The following GLB1 variants were observed in gnomAD, a reference collection of about 807,000 sequenced individuals.
GLB1 encodes beta-galactosidase.
A neutral mutation model predicts 74.0 loss-of-function variants in GLB1; 56 were observed. The observed-to-expected ratio is 0.76, with a 90% CI of 0.61 to 0.94. The LOEUF is 0.94. Ranked by LOEUF, GLB1 falls within the 40% of genes least tolerant of loss-of-function variation. The probability of loss-of-function intolerance (pLI) is 0.00; values close to 1 mark genes in which losing one functional copy is unlikely to be tolerated. For synonymous variants in GLB1, 323 were observed against 323.6 expected (o/e 1.00, Z 0.02); for missense variants, 787 against 845.5 (o/e 0.93, Z 0.86).
chr3:32,993,755 C>T (rs56213831), downstream of GLB1, among the ~76,000 whole-genome samples: 7,062 of 151,808 alleles, frequency 0.047, 202 homozygotes, highest in Admixed American at 0.063. Context: ...AGGCTGGTCT[C>T]GAACTCCTGA....
intron 1 of GLB1, among the ~76,000 whole-genome samples, chr3:33,084,711 T>C (rs1004260251): frequency 6.6e-6 from 1 of 152,044 alleles, no homozygotes; most frequent in African/African-American, 2.4e-5. Context: ...ATGTGCAGTT[T>C]AAAAAAATAA....
At chr3:33,007,786 C>G (rs1696847181) in intron 15 of GLB1, among the ~76,000 whole-genome samples, 1 of 152,198 alleles carries the variant, frequency 6.6e-6, no homozygotes, top group South Asian at 2.1e-4. Context: ...CCTGGAGATG[C>G]AGAGCATTCA....
chr3:33,034,614 T>C, intron 10 of GLB1: 1 of 722,920 alleles, frequency 1.4e-6, no homozygotes, highest in Non-Finnish European at 2.6e-6. Flanking sequence ...CCCAAATTGC[T>C]GCACAAGTTC....
intron 1 of GLB1, chr3:33,092,255 T>C: frequency 1.0e-6 from 1 of 985,786 alleles, no homozygotes; most frequent in Non-Finnish European, 1.2e-6. Context: ...CAGTAGATTT[T>C]GCTGATGCCC....
chr3:33,086,255 G>A (rs551500595), intron 1 of GLB1, among the ~76,000 whole-genome samples: 32 of 152,052 alleles, frequency 2.1e-4, no homozygotes, highest in African/African-American at 6.7e-4. Context: ...GGTCATTCTT[G>A]GAGGTTGCTG....
chr3:33,028,003 T>C (rs1697841300), intron 10 of GLB1, among the ~76,000 whole-genome samples: 1 of 152,072 alleles, frequency 6.6e-6, no homozygotes, highest in Admixed American at 6.6e-5. Flanking sequence ...TGAGTTCCAG[T>C]GATCCTCCTG....
chr3:32,992,099 T>C (rs1243209405), downstream of GLB1, among the ~76,000 whole-genome samples: 2 of 152,240 alleles, frequency 1.3e-5, no homozygotes, highest in East Asian at 1.9e-4. Context: ...AAGTCCACAC[T>C]AGGGCCTTTA....
At chr3:32,963,168 AC>A in the GLB1 span, among the ~76,000 whole-genome samples, 21 of 152,216 alleles carry the variant, frequency 1.4e-4, no homozygotes, top group African/African-American at 4.8e-4. Flanking sequence ...AAAGATGGCA[AC>A]TTAAATCAAA....
At chr3:33,086,727 T>C (rs1700515156) in intron 1 of GLB1, among the ~76,000 whole-genome samples, 1 of 152,070 alleles carries the variant, frequency 6.6e-6, no homozygotes, top group Non-Finnish European at 1.5e-5. Context: ...ATCTAAAATG[T>C]ATAAAATTTT....
intron 15 of GLB1, among the ~76,000 whole-genome samples, chr3:33,001,743 G>A (rs959037382): frequency 8.5e-5 from 13 of 152,162 alleles, no homozygotes; most frequent in Non-Finnish European, 1.6e-4. Flanking sequence ...GCTACTTGTT[G>A]ATAATTCTGC....
In GLB1 at chr3:33,068,305, A is replaced by G; in HGVS notation, c.397-15T>C. 1.9e-6 allele frequency: 3 copies of G among 1,613,994 alleles called. No individual in the cohort carries two copies. The highest frequency in any genetic ancestry group is 1.3e-5 in the African/African-American group (1 of 75,046). ...GGTAATCCTCCCTAGTTCAGGGAAA[A>G]CAAGCCATTATAATGTCTGTTCCGT... On this transcript the variant is annotated splice_polypyrimidine_tract_variant and intron_variant, in intron 3 of 15. Transcript: ENST00000307363.
At chr3:33,022,019 A>C (rs1697509046) in intron 11 of GLB1, among the ~76,000 whole-genome samples, 1 of 152,180 alleles carries the variant, frequency 6.6e-6, no homozygotes, top group Non-Finnish European at 1.5e-5. Flanking sequence ...TAAGAAGTAA[A>C]AGTAGTAACC....
chr3:33,048,857 T>A (rs1698853506), intron 9 of GLB1, among the ~76,000 whole-genome samples: 1 of 152,168 alleles, frequency 6.6e-6, no homozygotes, highest in Admixed American at 6.5e-5. Context: ...GACTTTTTTT[T>A]GTATTCAGCT....
intron 7 of GLB1, among the ~76,000 whole-genome samples, chr3:33,052,233 C>T (rs943448747): frequency 1.3e-5 from 2 of 152,128 alleles, no homozygotes; most frequent in African/African-American, 4.8e-5. Context: ...GCAAGTATTC[C>T]TGAAAAGTGG....
intron 15 of GLB1, among the ~76,000 whole-genome samples, chr3:33,007,501 A>C (rs955472915): frequency 6.6e-6 from 1 of 152,208 alleles, no homozygotes; most frequent in Non-Finnish European, 1.5e-5. Context: ...TCATTAGCCT[A>C]ATGTTTTCAA....
intron 9 of GLB1, 92 bp from the exon 10 acceptor site, chr3:33,046,324 G>A (rs1036609152): frequency 1.4e-6 from 2 of 1,462,510 alleles, no homozygotes; most frequent in Admixed American, 1.8e-5. Flanking sequence ...TGTAGAGAGA[G>A]AAAACTAGAA....
intron 10 of GLB1, among the ~76,000 whole-genome samples, chr3:33,031,775 T>A (rs2125492171): frequency 6.6e-6 from 1 of 150,406 alleles, no homozygotes; most frequent in South Asian, 2.1e-4. Flanking sequence ...CATAAGCTAT[T>A]GAATTACATT....
At chr3:33,064,503 ACG>A (rs1245803897) in intron 5 of GLB1, among the ~76,000 whole-genome samples, 1 of 148,962 alleles carries the variant, frequency 6.7e-6, no homozygotes, top group Non-Finnish European at 1.5e-5. Context: ...ATAGCCGGGC[ACG>A]GTGGCTCACG....
At chr3:33,022,989 A>G (rs1312185298) in intron 11 of GLB1, among the ~76,000 whole-genome samples, 1 of 152,210 alleles carries the variant, frequency 6.6e-6, no homozygotes, top group Admixed American at 6.5e-5. Flanking sequence ...ACACTAAGAA[A>G]TTCAACTCAC....
Sources: allele counts gnomAD v4.1 joint callset (sites outside exome capture counted in the v4.1 genomes callset), GRCh38; gene constraint gnomAD v4.1.1; transcripts MANE v1.5; gene names NCBI Gene and HGNC (gene_info 2026-07-23, HGNC 2026-07-21).